Variants in PRR16 observed in about 807,000 individuals in gnomAD.
PRR16 encodes proline rich 16, also known as protein Largen.
PRR16 carries 6 observed loss-of-function variants against 18.2 expected under a neutral mutation model. That is an observed-to-expected ratio of 0.33 (90% CI 0.18 to 0.65). The LOEUF (loss-of-function observed/expected upper bound fraction) is 0.65. Among genes scored for constraint, PRR16 ranks in the 30% least tolerant of loss-of-function variants. The probability of loss-of-function intolerance (pLI) is 0.74; values close to 1 mark genes in which losing one functional copy is unlikely to be tolerated. For missense variants in PRR16, 412 were observed against 376.6 expected, an observed-to-expected ratio of 1.09 and a Z score of -0.78; for synonymous variants, 151 against 147.8, an observed-to-expected ratio of 1.02 and a Z score of -0.16.
chr5:120,646,039 AT>A (rs1448816798), intron 1 of PRR16, among the ~76,000 whole-genome samples: 2 of 59,180 alleles, frequency 3.4e-5, no homozygotes, highest in African/African-American at 5.4e-5. Flanking sequence ...ACAAAAAAAA[AT>A]ACATATTTTA....
chr5:120,647,481 T>C (rs1755639150), intron 1 of PRR16, among the ~76,000 whole-genome samples: 1 of 152,024 alleles, frequency 6.6e-6, no homozygotes, highest in Admixed American at 6.6e-5. Context: ...GCAACTAGAG[T>C]TAATCACATA....
At chr5:120,471,476 T>G (rs1007047775) in intron 1 of PRR16, among the ~76,000 whole-genome samples, 4 of 152,118 alleles carry the variant, frequency 2.6e-5, no homozygotes, top group Non-Finnish European at 4.4e-5. Context: ...TTCTCTTGCT[T>G]TCTGCTATGA....
the PRR16 span, among the ~76,000 whole-genome samples, chr5:120,769,997 A>G: frequency 6.6e-6 from 1 of 151,898 alleles, no homozygotes; most frequent in African/African-American, 2.4e-5. Flanking sequence ...GGTCACTTGT[A>G]TGTCTTCTTT....
At chr5:120,588,674 C>A (rs1753532329) in intron 1 of PRR16, among the ~76,000 whole-genome samples, 1 of 152,118 alleles carries the variant, frequency 6.6e-6, no homozygotes, top group Non-Finnish European at 1.5e-5. Flanking sequence ...TAGTATGGCT[C>A]TGGAACTAAA....
At chr5:120,559,361 A>C (rs753818411) in intron 1 of PRR16, among the ~76,000 whole-genome samples, 20 of 151,796 alleles carry the variant, frequency 1.3e-4, no homozygotes, top group Non-Finnish European at 2.2e-4. Context: ...TTCATTCAGC[A>C]TATAGATATC....
chr5:120,525,074 C>T (rs1296882646), intron 1 of PRR16, among the ~76,000 whole-genome samples: 1 of 152,024 alleles, frequency 6.6e-6, no homozygotes, highest in African/African-American at 2.4e-5. Context: ...CTCTAGAAGG[C>T]AACTTGTCCT....
chr5:120,515,924 T>G (rs1187958722), intron 1 of PRR16, among the ~76,000 whole-genome samples: 1 of 152,234 alleles, frequency 6.6e-6, no homozygotes, highest in Non-Finnish European at 1.5e-5. Flanking sequence ...AAGAATCTCT[T>G]GTTTAAGAGA....
chr5:120,731,183 C>T, the PRR16 span, among the ~76,000 whole-genome samples: 1 of 151,986 alleles, frequency 6.6e-6, no homozygotes, highest in African/African-American at 2.4e-5. Context: ...GAATATTTCC[C>T]TGGAAAAAAT....
At position 120,680,524 on chromosome 5, in the gene PRR16, C is replaced by T. The variant is rs143950611; in HGVS notation, c.160-5430C>T. ...AGGAATATCCTTGTGTATTTCCAAC[C>T]CTGTGAACATCTACTGGACTTTCCC... On this transcript the variant is annotated intron_variant, in intron 1 of 1. Transcript: ENST00000407149. Among the ~76,000 whole-genome samples, 1,340 of 152,152 alleles carry T rather than the reference C, an allele frequency of 8.8e-3. 9 individuals are homozygous for T. Among genetic ancestry groups the T allele is most frequent in the Non-Finnish European group, 0.013 (881 of 67,946 alleles).
At chr5:120,749,895 C>G in the PRR16 span, among the ~76,000 whole-genome samples, 2 of 152,038 alleles carry the variant, frequency 1.3e-5, no homozygotes, top group Non-Finnish European at 2.9e-5. Context: ...ATCAAACTTT[C>G]TTCTGTAGAT....
chr5:120,772,879 T>A, the PRR16 span, among the ~76,000 whole-genome samples: 1 of 152,154 alleles, frequency 6.6e-6, no homozygotes, highest in Non-Finnish European at 1.5e-5. Flanking sequence ...ATGAAGATTT[T>A]ACTTTATCTG....
At chr5:120,660,822 AG>A (rs1756149202) in intron 1 of PRR16, among the ~76,000 whole-genome samples, 1 of 152,130 alleles carries the variant, frequency 6.6e-6, no homozygotes, top group East Asian at 1.9e-4. Flanking sequence ...GATAGTATTT[AG>A]TGATTATGGA....
chr5:120,508,620 G>A (rs1306930180), intron 1 of PRR16, among the ~76,000 whole-genome samples: 2 of 152,002 alleles, frequency 1.3e-5, no homozygotes, highest in African/African-American at 4.8e-5. Flanking sequence ...GTATTTGTAG[G>A]GCTCAATCTT....
chr5:120,764,668 A>G, the PRR16 span, among the ~76,000 whole-genome samples: 1 of 147,580 alleles, frequency 6.8e-6, no homozygotes, highest in Non-Finnish European at 1.5e-5. Flanking sequence ...TAGTGTTGAC[A>G]ACTGAAGAAT....
chr5:120,595,053 G>GCAT (rs1221745257), intron 1 of PRR16, among the ~76,000 whole-genome samples: 1 of 151,528 alleles, frequency 6.6e-6, no homozygotes, highest in African/African-American at 2.4e-5. Context: ...ACTGGTATAG[G>GCAT]CATCATGACG....
chr5:120,485,240 T>C (rs1311657881), intron 1 of PRR16, among the ~76,000 whole-genome samples: 1 of 152,204 alleles, frequency 6.6e-6, no homozygotes, highest in Non-Finnish European at 1.5e-5. Flanking sequence ...TATTTCCCTA[T>C]GTTTTATATA....
At chr5:120,582,183 C>T (rs1403195389) in intron 1 of PRR16, among the ~76,000 whole-genome samples, 2 of 152,064 alleles carry the variant, frequency 1.3e-5, no homozygotes, top group Non-Finnish European at 2.9e-5. Context: ...GATCATTATC[C>T]TAAGAGAACT....
intron 1 of PRR16, among the ~76,000 whole-genome samples, chr5:120,626,363 A>C (rs572827131): frequency 6.6e-6 from 1 of 152,152 alleles, no homozygotes; most frequent in Non-Finnish European, 1.5e-5. Context: ...AGTAAAAGAA[A>C]CCAGATATAA....
chr5:120,731,339 T>C, the PRR16 span, among the ~76,000 whole-genome samples: 1 of 152,196 alleles, frequency 6.6e-6, no homozygotes, highest in Non-Finnish European at 1.5e-5. Context: ...AAGCCTTGCA[T>C]ATAATGATTG....
Sources: gnomAD v4.1 joint callset for allele counts (sites outside exome capture counted in the v4.1 genomes callset) on GRCh38, gnomAD v4.1.1 for gene constraint, MANE v1.5 for transcripts, NCBI Gene and HGNC (gene_info 2026-07-23, HGNC 2026-07-21) for gene names.